The following RNF157 variants were observed in gnomAD, a reference collection of about 807,000 sequenced individuals.
RNF157 encodes the protein ring finger protein 157.
RNF157 carries 55 observed loss-of-function variants against 88.3 expected under a neutral mutation model. That is an observed-to-expected ratio of 0.62 (90% CI 0.50 to 0.78). The LOEUF (loss-of-function observed/expected upper bound fraction) is 0.78. RNF157 is among the 30% of genes least tolerant of loss of function. The probability of loss-of-function intolerance (pLI) is 0.00; values close to 1 mark genes in which losing one functional copy is unlikely to be tolerated. For synonymous variants in RNF157, 334 were observed against 341.2 expected (o/e 0.98, Z 0.23); for missense variants, 788 against 860.8 (o/e 0.92, Z 1.06).
At position 76,143,381 on chromosome 17, in the gene RNF157, G is replaced by T. The variant is rs2068541881; in HGVS notation, c.*1854C>A. On this transcript the variant is annotated 3_prime_UTR_variant, in exon 19 of 19. Coordinates refer to ENST00000269391, the MANE Select transcript of RNF157 (RefSeq NM_052916.3). The stretch of plus-strand genomic sequence containing the variant: ...CACACTGTGAATACTACCTGCAGGG[G>T]ACAGGACAGGAGGTGGTCTGTGTGC... 1 of 152,210 alleles carries T rather than the reference G, an allele frequency of 6.6e-6. No homozygotes were observed. The highest frequency in any genetic ancestry group is 2.4e-5 in the African/African-American group (1 of 41,412). 9.4% of individuals were successfully genotyped at this position (152,210 alleles called of 1,614,324 possible).
At chr17:76,211,754 C>A (rs2069804297) in intron 2 of RNF157, 1 of 152,190 alleles carries the variant, frequency 6.6e-6, no homozygotes, top group East Asian at 1.9e-4. Flanking sequence ...ACTCAATAGC[C>A]ACCTGGCGGC....
intron 17 of RNF157, 163 bp from the exon 18 acceptor site, chr17:76,152,628 G>A: frequency 1.7e-6 from 1 of 585,940 alleles, no homozygotes; most frequent in Non-Finnish European, 3.1e-6. Flanking sequence ...AAGGAATCAC[G>A]TTGTGTGGGC....
chr17:76,200,585 T>C (rs889298998), intron 2 of RNF157, among the ~76,000 whole-genome samples: 7 of 152,148 alleles, frequency 4.6e-5, no homozygotes, highest in African/African-American at 1.7e-4. Flanking sequence ...GGTGAGTCAG[T>C]GTCCAGTGGG....
chr17:76,166,652 C>T, intron 5 of RNF157, 125 bp from the exon 6 acceptor site: 1 of 798,058 alleles, frequency 1.3e-6, no homozygotes, highest in Non-Finnish European at 2.0e-6. Context: ...CATTCTTTAG[C>T]CTTGTTAATT....
intron 1 of RNF157, among the ~76,000 whole-genome samples, chr17:76,238,318 T>C (rs2070316952): frequency 6.6e-6 from 1 of 152,238 alleles, no homozygotes; most frequent in Non-Finnish European, 1.5e-5. Context: ...TTCTATGTTT[T>C]AGCTTCAACA....
At chr17:76,238,663 T>C (rs899008032) in intron 1 of RNF157, among the ~76,000 whole-genome samples, 6 of 152,176 alleles carry the variant, frequency 3.9e-5, no homozygotes, top group Non-Finnish European at 5.9e-5. Flanking sequence ...TTTTGATCAA[T>C]AAAAGCCATG....
chr17:76,181,320 G>C (rs145212940), intron 2 of RNF157, among the ~76,000 whole-genome samples: 19 of 152,302 alleles, frequency 1.2e-4, no homozygotes, highest in African/African-American at 4.6e-4. Flanking sequence ...TTAGATGGCA[G>C]TATGTACAAA....
intron 2 of RNF157, among the ~76,000 whole-genome samples, chr17:76,191,279 C>T (rs1003457655): frequency 2.6e-5 from 4 of 151,580 alleles, no homozygotes; most frequent in Non-Finnish European, 5.9e-5. Context: ...AGTTCAAGAT[C>T]GGTTAGGGCA....
At chr17:76,202,717 C>T (rs1598426742) in intron 2 of RNF157, 2 of 159,992 alleles carry the variant, frequency 1.3e-5, no homozygotes, top group South Asian at 3.5e-4. Flanking sequence ...GGCATAGTAC[C>T]AAAAAGTGGC....
intron 1 of RNF157, among the ~76,000 whole-genome samples, chr17:76,229,601 T>C (rs1370988906): frequency 6.6e-6 from 1 of 152,214 alleles, no homozygotes; most frequent in East Asian, 1.9e-4. Context: ...AGATAGCCCA[T>C]CTTTGCCTCA....
intron 15 of RNF157, 40 bp downstream of exon 15, chr17:76,155,522 A>C: frequency 6.3e-7 from 1 of 1,598,492 alleles, no homozygotes; most frequent in Non-Finnish European, 8.5e-7. Flanking sequence ...ATGTGCACAA[A>C]GAACAGAGAA....
chr17:76,235,591 T>C (rs1199057827), intron 1 of RNF157, among the ~76,000 whole-genome samples: 1 of 152,256 alleles, frequency 6.6e-6, no homozygotes, highest in Non-Finnish European at 1.5e-5. Context: ...CTTTTATAGT[T>C]ATTCGACAAA....
At position 76,145,277 on chromosome 17, in the gene RNF157, G is replaced by A; in HGVS notation, c.1998C>T (p.Asp666=). The A allele has an allele frequency of 6.2e-7, 1 of 1,609,506 alleles. No homozygotes were observed. The highest frequency in any genetic ancestry group is 1.1e-5 in the South Asian group (1 of 90,126). ...RRRLSSSSLE[D]SETRPCVWGP... ...CCCACACACAGGGCCTCGTCTCAGA[G>A]TCCTCCAGGCTGCTGGATGACAAGC... The change falls in exon 19 of 19, where the codon GAC becomes GAT. Residue 666 remains aspartate, a synonymous_variant. Transcript: ENST00000269391.
At position 76,162,074 on chromosome 17, in the gene RNF157, C is replaced by T. The variant is rs186178961; in HGVS notation, c.793-72G>A. On this transcript the variant is annotated intron_variant, in intron 9 of 18. Coordinates refer to ENST00000269391, the MANE Select transcript of RNF157 (RefSeq NM_052916.3). The stretch of plus-strand genomic sequence containing the variant: ...GTCCCATACTTTACTGACAAGGCAG[C>T]GTGGCTGAAGAGCTAAGATAAGTAA... The T allele has an allele frequency of 1.8e-3, 2,628 of 1,491,076 alleles. 5 individuals carry two copies. The highest frequency in any genetic ancestry group is 2.3e-3 in the Non-Finnish European group (2,517 of 1,090,064). 92.4% of individuals were successfully genotyped at this position (1,491,076 alleles called of 1,614,324 possible). A position where few individuals can be genotyped will look rare whatever the true frequency, so the allele number is the denominator to read the frequency against.
intron 2 of RNF157, among the ~76,000 whole-genome samples, chr17:76,186,313 C>G (rs1166371626): frequency 6.6e-6 from 1 of 151,756 alleles, no homozygotes; most frequent in Admixed American, 6.6e-5. Flanking sequence ...TGAGACCAGC[C>G]TGGCCAACAT....
chr17:76,238,962 C>T (rs561701745), intron 1 of RNF157, among the ~76,000 whole-genome samples: 1 of 152,342 alleles, frequency 6.6e-6, no homozygotes, highest in Non-Finnish European at 1.5e-5. Flanking sequence ...AGACACTCTG[C>T]AGGGATGCGG....
intron 1 of RNF157, among the ~76,000 whole-genome samples, chr17:76,223,484 G>A (rs1186430573): frequency 3.3e-5 from 5 of 152,218 alleles, no homozygotes; most frequent in South Asian, 4.1e-4. Flanking sequence ...CACCATGCTC[G>A]GCCAAGGTTC....
intron 2 of RNF157, among the ~76,000 whole-genome samples, chr17:76,180,348 T>A (rs2069170398): frequency 6.6e-6 from 1 of 152,166 alleles, no homozygotes; most frequent in African/African-American, 2.4e-5. Context: ...GTGAGTACCT[T>A]TACGACAGAA....
At chr17:76,208,421 T>C (rs60689153) in intron 2 of RNF157, among the ~76,000 whole-genome samples, 26,678 of 152,094 alleles carry the variant, frequency 0.18, 6,122 homozygotes, top group African/African-American at 0.54. Context: ...AAACTCTCTG[T>C]GCCACATGTT....
Sources: allele counts gnomAD v4.1 joint callset (sites outside exome capture counted in the v4.1 genomes callset), GRCh38; gene constraint gnomAD v4.1.1; transcripts MANE v1.5; gene names NCBI Gene and HGNC (gene_info 2026-07-23, HGNC 2026-07-21).